PCSK5: variants seen among roughly 807,000 people sequenced by gnomAD.
The protein encoded by PCSK5 is prohormone convertase 5.
A neutral mutation model predicts 233.2 loss-of-function variants in PCSK5; 129 were observed. That is an observed-to-expected ratio of 0.55 (90% CI 0.48 to 0.64). PCSK5 has a LOEUF of 0.64. Ranked by LOEUF, PCSK5 falls within the 30% of genes least tolerant of loss-of-function variation. PCSK5 has a pLI of 0.00. For missense variants in PCSK5, 2,076 were observed against 2,430.1 expected (o/e 0.85, Z 3.06); for synonymous variants, 825 against 879.2 (o/e 0.94, Z 1.09).
intron 35 of PCSK5, among the ~76,000 whole-genome samples, chr9:76,340,684 C>G (rs2131500226): frequency 6.6e-6 from 1 of 151,054 alleles, no homozygotes; most frequent in Admixed American, 6.6e-5. Flanking sequence ...TCTCCACTCT[C>G]CCCTCCAATC....
intron 28 of PCSK5, among the ~76,000 whole-genome samples, chr9:76,308,056 G>T (rs12335913): frequency 0.013 from 2,047 of 152,166 alleles, 58 homozygotes; most frequent in African/African-American, 0.047. Context: ...AATTAGCTGG[G>T]CATGGTAGTG....
chr9:76,351,790 T>G (rs867971002), intron 36 of PCSK5, among the ~76,000 whole-genome samples: 1 of 150,988 alleles, frequency 6.6e-6, no homozygotes, highest in Admixed American at 6.6e-5. Context: ...CAGGCTGGAG[T>G]GCAGTGGCGC....
chr9:76,194,422 G>T (rs2131257183), intron 20 of PCSK5: 1 of 153,236 alleles, frequency 6.5e-6, no homozygotes. Flanking sequence ...TTTTTCAATG[G>T]TGCTTATTAG....
chr9:76,329,254 G>A lies in PCSK5; in HGVS notation c.4570+1015G>A, dbSNP rs1587337220. Among the ~76,000 whole-genome samples, 5 of 152,190 alleles carry A rather than the reference G, an allele frequency of 3.3e-5. No individual in the cohort carries two copies. In the East Asian group the frequency reaches 9.7e-4, roughly 29 times the overall value. On this transcript the variant is annotated intron_variant, in intron 33 of 37. Transcript: ENST00000674117. ...GGGCTCAAGAGATCCTCCTGCCTCA[G>A]CCTCCCAAGTAGATGGGATGGGATT...
intron 2 of PCSK5, among the ~76,000 whole-genome samples, chr9:75,978,675 A>C (rs1826130519): frequency 6.6e-6 from 1 of 152,102 alleles, no homozygotes; most frequent in South Asian, 2.1e-4. Context: ...TTTTTATAAA[A>C]CCTAATTTAA....
At chr9:76,273,547 T>C (rs992891247) in intron 24 of PCSK5, among the ~76,000 whole-genome samples, 6 of 132,136 alleles carry the variant, frequency 4.5e-5, no homozygotes, top group African/African-American at 1.7e-4. Context: ...AGTCTTCTTA[T>C]AGATTAACAA....
At chr9:76,083,755 C>T (rs993741924) in intron 7 of PCSK5, among the ~76,000 whole-genome samples, 28 of 152,228 alleles carry the variant, frequency 1.8e-4, no homozygotes, top group African/African-American at 6.8e-4. Flanking sequence ...TACATACACA[C>T]AAGTGAACAT....
At chr9:75,947,435 C>T (rs912232757) in intron 2 of PCSK5, among the ~76,000 whole-genome samples, 1 of 151,966 alleles carries the variant, frequency 6.6e-6, no homozygotes, top group African/African-American at 2.4e-5. Flanking sequence ...ACTTTTTAAT[C>T]CTTTCGCAAA....
intron 34 of PCSK5, among the ~76,000 whole-genome samples, chr9:76,337,054 A>G (rs1188519903): frequency 6.6e-6 from 1 of 151,298 alleles, no homozygotes; most frequent in African/African-American, 2.4e-5. Flanking sequence ...ATCTTTTCAA[A>G]CAAGGTTATA....
intron 9 of PCSK5, among the ~76,000 whole-genome samples, chr9:76,109,727 G>T (rs1564031652): frequency 1.2e-4 from 18 of 152,088 alleles, no homozygotes; most frequent in Non-Finnish European, 2.6e-4. Flanking sequence ...AATGGATGAT[G>T]AACTATCTGA....
At chr9:76,315,809 T>A (rs2131447630) in intron 30 of PCSK5, among the ~76,000 whole-genome samples, 1 of 152,162 alleles carries the variant, frequency 6.6e-6, no homozygotes, top group South Asian at 2.1e-4. Context: ...ATTTTTGTAT[T>A]TTTGTAGAGA....
chr9:75,964,286 GA>G (rs1265717008), intron 2 of PCSK5, among the ~76,000 whole-genome samples: 1 of 152,120 alleles, frequency 6.6e-6, no homozygotes, highest in Admixed American at 6.5e-5. Context: ...TCTTTGGCCA[GA>G]ACACCAAGTC....
At chr9:76,324,181 C>G (rs1316506547) in intron 32 of PCSK5, among the ~76,000 whole-genome samples, 14 of 151,948 alleles carry the variant, frequency 9.2e-5, no homozygotes, top group Non-Finnish European at 1.9e-4. Context: ...CTGCCTCGCC[C>G]TTCCAAAGTG....
intron 7 of PCSK5, among the ~76,000 whole-genome samples, chr9:76,087,922 T>C (rs573773831): frequency 1.3e-5 from 2 of 152,232 alleles, no homozygotes; most frequent in East Asian, 1.9e-4. Context: ...CAGAAATAGG[T>C]TACTATCCAC....
At chr9:76,165,615 G>C (rs545441999) in intron 12 of PCSK5, among the ~76,000 whole-genome samples, 95 of 152,310 alleles carry the variant, frequency 6.2e-4, no homozygotes, top group Non-Finnish European at 1.2e-3. Context: ...TCAATAACTG[G>C]ATGCATAATT....
intron 2 of PCSK5, among the ~76,000 whole-genome samples, chr9:75,972,198 G>T (rs1482511824): frequency 1.3e-5 from 2 of 152,088 alleles, no homozygotes; most frequent in East Asian, 1.9e-4. Context: ...TAGATATGTG[G>T]TCTTATTTCT....
intron 3 of PCSK5, among the ~76,000 whole-genome samples, chr9:75,989,407 T>C (rs1037698420): frequency 3.3e-5 from 5 of 152,054 alleles, no homozygotes; most frequent in South Asian, 2.1e-4. Flanking sequence ...GGTGGGAAGA[T>C]GGCTTGAGCC....
At chr9:76,039,379 A>G (rs546085644) in intron 5 of PCSK5, among the ~76,000 whole-genome samples, 6 of 152,308 alleles carry the variant, frequency 3.9e-5, no homozygotes, top group African/African-American at 1.4e-4. Context: ...ATACTTTGTT[A>G]AGGATGGTAC....
At chr9:76,193,500 T>C (rs1564098047) in intron 20 of PCSK5, 1 of 617,384 alleles carries the variant, frequency 1.6e-6, no homozygotes, top group East Asian at 2.9e-5. Flanking sequence ...CTCTCAAGTT[T>C]GTGCAGGGAG....
Sources: gnomAD v4.1 joint callset for allele counts (sites outside exome capture counted in the v4.1 genomes callset) on GRCh38, gnomAD v4.1.1 for gene constraint, MANE v1.5 for transcripts, NCBI Gene and HGNC (gene_info 2026-07-23, HGNC 2026-07-21) for gene names.